The following MED12L variants were observed in gnomAD, a reference collection of about 807,000 sequenced individuals.
MED12L encodes mediator complex subunit 12L, also known as mediator of RNA polymerase II transcription subunit 12-like protein.
In MED12L, 60 loss-of-function variants were observed where a neutral mutation model predicts 281.3. The observed-to-expected ratio is 0.21, with a 90% CI of 0.17 to 0.26. The LOEUF is 0.26. Ranked by LOEUF, MED12L falls within the 10% of genes least tolerant of loss-of-function variation. MED12L has a pLI of 1.00. For synonymous variants in MED12L, 974 were observed against 987.2 expected (o/e 0.99, Z 0.25); for missense variants, 2,146 against 2,680.9 (o/e 0.80, Z 4.41).
intron 11 of MED12L, among the ~76,000 whole-genome samples, chr3:151,166,225 T>C (rs1042500224): frequency 3.2e-4 from 48 of 152,208 alleles, no homozygotes; most frequent in African/African-American, 1.1e-3. Flanking sequence ...CTTGGCCCTT[T>C]TACCATCACT....
rs1427896159 is a variant in MED12L, at chr3:151,164,165, A to G, written c.1257+123A>G. 7 of 1,011,264 alleles carry G rather than the reference A, an allele frequency of 6.9e-6. No individual in the cohort carries two copies. The Admixed American group carries it at 7.9e-5, about 11-fold the overall frequency. The allele number at this position is 1,011,264 out of a possible 1,614,324, so 62.6% of individuals were successfully genotyped here. ...GGTGCTATCCCAGTTTTGCCTGCTA[A>G]CACTCTGGGTGACCTTAGAGAATTG... On this transcript the variant is annotated intron_variant, in intron 9 of 44. Coordinates refer to ENST00000687756, the MANE Select transcript of MED12L (RefSeq NM_001393769.1).
At chr3:151,211,741 G>T (rs1265437244) in intron 16 of MED12L, among the ~76,000 whole-genome samples, 1 of 152,078 alleles carries the variant, frequency 6.6e-6, no homozygotes, top group Non-Finnish European at 1.5e-5. Flanking sequence ...TCTGCCTCTT[G>T]GGCCCAGGTG....
intron 5 of MED12L, among the ~76,000 whole-genome samples, chr3:151,145,103 C>T (rs544705507): frequency 2.0e-5 from 3 of 152,304 alleles, no homozygotes; most frequent in African/African-American, 7.2e-5. Flanking sequence ...CTTACTAGCC[C>T]TGTTTTACAG....
At chr3:151,249,184 G>A (rs1482816495) in intron 16 of MED12L, 2 of 152,166 alleles carry the variant, frequency 1.3e-5, no homozygotes, top group African/African-American at 2.4e-5. Flanking sequence ...ATAGTAAATA[G>A]TATGAAACCA....
At chr3:151,416,186 G>A in intron 42 of MED12L, 126 bp from the exon 43 acceptor site, 2 of 1,523,010 alleles carry the variant, frequency 1.3e-6, no homozygotes, top group East Asian at 2.2e-5. Context: ...TAGAGATGCA[G>A]CAGGCAGGTA....
At chr3:151,408,712 T>C (rs1382480416) in intron 39 of MED12L, among the ~76,000 whole-genome samples, 1 of 152,238 alleles carries the variant, frequency 6.6e-6, no homozygotes, top group African/African-American at 2.4e-5. Context: ...ACTTACAAAA[T>C]TTATCGACTA....
intron 16 of MED12L, among the ~76,000 whole-genome samples, chr3:151,285,456 C>T (rs746546499): frequency 1.3e-4 from 19 of 151,820 alleles, no homozygotes; most frequent in Non-Finnish European, 2.2e-4. Context: ...CCACTGCACT[C>T]CAGCCTGGGT....
chr3:151,378,266 G>GGT, intron 31 of MED12L, 93 bp downstream of exon 31: 1 of 1,255,966 alleles, frequency 8.0e-7, no homozygotes, highest in Non-Finnish European at 1.1e-6. Flanking sequence ...TGTACCCACA[G>GGT]TCCACTGAAA....
chr3:151,104,876 T>A (rs73012996), intron 2 of MED12L, among the ~76,000 whole-genome samples: 2,910 of 152,274 alleles, frequency 0.019, 102 homozygotes, highest in African/African-American at 0.066. Flanking sequence ...GTCTTCACAT[T>A]ACTGTCTTCC....
At chr3:151,369,361 C>G in intron 25 of MED12L, 75 bp from the exon 26 acceptor site, 1 of 1,015,414 alleles carries the variant, frequency 9.8e-7, no homozygotes, top group Non-Finnish European at 1.5e-6. Flanking sequence ...CAATGAAAGG[C>G]TGACTGCCTG....
intron 16 of MED12L, among the ~76,000 whole-genome samples, chr3:151,251,533 A>C (rs992189704): frequency 4.6e-5 from 7 of 152,208 alleles, no homozygotes; most frequent in African/African-American, 1.7e-4. Flanking sequence ...AAATACAAGC[A>C]GCACTGTGTC....
At chr3:151,420,098 C>T (rs751377625) in intron 43 of MED12L, among the ~76,000 whole-genome samples, 12 of 152,172 alleles carry the variant, frequency 7.9e-5, no homozygotes, top group Non-Finnish European at 1.6e-4. Flanking sequence ...GGGTCTGGAT[C>T]ATTTGTAGTC....
intron 8 of MED12L, among the ~76,000 whole-genome samples, chr3:151,161,542 T>G (rs751327466): frequency 5.3e-5 from 8 of 152,204 alleles, no homozygotes; most frequent in Non-Finnish European, 1.0e-4. Context: ...AGAGTATTGT[T>G]GCCCAAAGAT....
chr3:151,117,912 G>T (rs893604069), intron 3 of MED12L, among the ~76,000 whole-genome samples: 6 of 151,364 alleles, frequency 4.0e-5, no homozygotes, highest in African/African-American at 1.2e-4. Context: ...CCAACATGGT[G>T]AAACCCTGTC....
chr3:151,335,142 C>G (rs1750815937), intron 16 of MED12L, among the ~76,000 whole-genome samples: 2 of 152,086 alleles, frequency 1.3e-5, no homozygotes, highest in Admixed American at 1.3e-4. Context: ...TAGGAACCCA[C>G]TCTTTGAGTT....
intron 8 of MED12L, among the ~76,000 whole-genome samples, chr3:151,163,538 T>A (rs922932999): frequency 2.2e-4 from 34 of 152,154 alleles, no homozygotes; most frequent in African/African-American, 8.2e-4. Flanking sequence ...CCTTAGAAAT[T>A]ACATATTATA....
chr3:151,152,277 T>C (rs1315487101), intron 5 of MED12L, among the ~76,000 whole-genome samples: 1 of 151,796 alleles, frequency 6.6e-6, no homozygotes. Context: ...TTTTGTTGAT[T>C]TTTTTGTAAC....
intron 16 of MED12L, chr3:151,337,885 A>G (rs1751230394): frequency 1.2e-6 from 2 of 1,614,014 alleles, no homozygotes; most frequent in South Asian, 1.1e-5. Context: ...TGGGACAGAG[A>G]TGTTGCAGAA....
At chr3:151,332,987 A>G (rs998237744) in intron 16 of MED12L, among the ~76,000 whole-genome samples, 6 of 152,134 alleles carry the variant, frequency 3.9e-5, no homozygotes, top group African/African-American at 1.4e-4. Flanking sequence ...ACAAGTGACA[A>G]CATCTGGTGT....
Sources: allele counts gnomAD v4.1 joint callset (sites outside exome capture counted in the v4.1 genomes callset), GRCh38; gene constraint gnomAD v4.1.1; transcripts MANE v1.5; gene names NCBI Gene and HGNC (gene_info 2026-07-23, HGNC 2026-07-21).